PLEKHA5: variants seen among roughly 807,000 people sequenced by gnomAD.
PLEKHA5 encodes pleckstrin homology domain containing A5.
Under a neutral mutation model 181.9 loss-of-function variants are expected in PLEKHA5, and 55 were observed. The observed-to-expected ratio is 0.30, with a 90% CI of 0.24 to 0.38. The LOEUF is 0.38. Among genes scored for constraint, PLEKHA5 ranks in the 10% least tolerant of loss-of-function variants. The pLI is 1.00. For synonymous variants in PLEKHA5, 535 were observed against 529.4 expected (o/e 1.01, Z -0.15); for missense variants, 1,432 against 1,549.5 (o/e 0.92, Z 1.27).
intron 3 of PLEKHA5, among the ~76,000 whole-genome samples, chr12:19,239,004 T>C (rs1401224376): frequency 6.6e-6 from 1 of 152,180 alleles, no homozygotes; most frequent in Non-Finnish European, 1.5e-5. Context: ...TCTTCTTTGT[T>C]TGAAGTTTAG....
At chr12:19,368,487 C>A (rs2095493010) in intron 30 of PLEKHA5, among the ~76,000 whole-genome samples, 1 of 151,908 alleles carries the variant, frequency 6.6e-6, no homozygotes. Context: ...CAGAGCAAGA[C>A]CCTGTCTCAA....
At chr12:19,346,696 A>C (rs564571090) in intron 23 of PLEKHA5, among the ~76,000 whole-genome samples, 69 of 152,284 alleles carry the variant, frequency 4.5e-4, no homozygotes, top group Admixed American at 4.0e-3. Context: ...CTTTCCTTCT[A>C]GTTTTAAAAT....
chr12:19,175,302 T>C (rs1485565950), intron 3 of PLEKHA5, among the ~76,000 whole-genome samples: 1 of 152,234 alleles, frequency 6.6e-6, no homozygotes, highest in Non-Finnish European at 1.5e-5. Flanking sequence ...TGAGTTGAAC[T>C]TGCATATTGT....
intron 3 of PLEKHA5, among the ~76,000 whole-genome samples, chr12:19,213,802 GTT>G (rs1311730919): frequency 2.6e-5 from 4 of 152,140 alleles, no homozygotes; most frequent in African/African-American, 9.7e-5. Context: ...AGGGAGAACT[GTT>G]CTCTCTGGCA....
At chr12:19,191,372 A>G (rs1288034259) in intron 3 of PLEKHA5, among the ~76,000 whole-genome samples, 1 of 152,186 alleles carries the variant, frequency 6.6e-6, no homozygotes, top group Non-Finnish European at 1.5e-5. Context: ...CCTGACACAC[A>G]GCTTCCCACA....
chr12:19,225,998 T>A (rs1431043908), intron 3 of PLEKHA5, among the ~76,000 whole-genome samples: 1 of 152,210 alleles, frequency 6.6e-6, no homozygotes, highest in South Asian at 2.1e-4. Flanking sequence ...TAATGCTACG[T>A]TAGTTATTTT....
chr12:19,143,106 A>T (rs996452132), intron 3 of PLEKHA5, among the ~76,000 whole-genome samples: 1 of 152,178 alleles, frequency 6.6e-6, no homozygotes, highest in Non-Finnish European at 1.5e-5. Context: ...AGATGTTCCT[A>T]TGAGGTGGCA....
intron 31 of PLEKHA5, chr12:19,371,182 G>GT (rs1162060781): frequency 1.3e-5 from 2 of 151,730 alleles, no homozygotes; most frequent in African/African-American, 4.8e-5. Context: ...CAGGCTAATT[G>GT]TTTTGCAGAG....
chr12:19,176,420 A>C (rs2047247281), intron 3 of PLEKHA5: 1 of 151,934 alleles, frequency 6.6e-6, no homozygotes. Flanking sequence ...ACCACTCCTT[A>C]AGCAATCTGG....
intron 15 of PLEKHA5, among the ~76,000 whole-genome samples, chr12:19,295,895 T>TA (rs1270695577): frequency 9.2e-5 from 14 of 152,184 alleles, no homozygotes; most frequent in African/African-American, 3.1e-4. Context: ...AGACTAACAG[T>TA]ATCACACACC....
chr12:19,314,399 A>G (rs1043186719), intron 15 of PLEKHA5, among the ~76,000 whole-genome samples: 15 of 152,126 alleles, frequency 9.9e-5, no homozygotes, highest in Admixed American at 9.2e-4. Flanking sequence ...ATAACCTTAC[A>G]CAGAACTGAA....
At chr12:19,146,785 G>A (rs2039037321) in intron 3 of PLEKHA5, among the ~76,000 whole-genome samples, 1 of 152,132 alleles carries the variant, frequency 6.6e-6, no homozygotes, top group South Asian at 2.1e-4. Context: ...ATCTTCATAA[G>A]CCTGTGGGCA....
At chr12:19,293,358 C>G (rs2078961464) in intron 15 of PLEKHA5, among the ~76,000 whole-genome samples, 1 of 152,104 alleles carries the variant, frequency 6.6e-6, no homozygotes, top group Admixed American at 6.6e-5. Context: ...ACATTTTCAT[C>G]AGCATTTTGG....
chr12:19,171,593 A>G (rs761098809), intron 3 of PLEKHA5, among the ~76,000 whole-genome samples: 8 of 152,092 alleles, frequency 5.3e-5, no homozygotes. Flanking sequence ...TACTGACCTC[A>G]AATAATCAGC....
chr12:19,365,914 A>G (rs2095411525), intron 29 of PLEKHA5, 50 bp from the exon 30 acceptor site: 1 of 1,323,432 alleles, frequency 7.6e-7, no homozygotes, highest in African/African-American at 1.5e-5. Context: ...AAGAAAAATT[A>G]ATTGTATTCT....
intron 20 of PLEKHA5, among the ~76,000 whole-genome samples, chr12:19,327,264 T>TA (rs1555163698): frequency 1.3e-5 from 2 of 149,186 alleles, no homozygotes; most frequent in Non-Finnish European, 3.0e-5. Flanking sequence ...TTTTTTTTTT[T>TA]ACTTTTTAAT....
intron 3 of PLEKHA5, among the ~76,000 whole-genome samples, chr12:19,216,649 C>T (rs372843899): frequency 2.3e-4 from 34 of 145,428 alleles, no homozygotes; most frequent in African/African-American, 8.5e-4. Flanking sequence ...GGTGACAGAG[C>T]GAGAATCCAT....
At chr12:19,231,613 A>ATTTATATATGTACACAT (rs1345945535) in intron 3 of PLEKHA5, among the ~76,000 whole-genome samples, 2 of 32,456 alleles carry the variant, frequency 6.2e-5, no homozygotes, top group Non-Finnish European at 1.7e-4. Context: ...TATATATATA[A>ATTTATATATGTACACAT]ATACTCATAA....
intron 3 of PLEKHA5, among the ~76,000 whole-genome samples, chr12:19,200,080 T>C (rs1314168792): frequency 3.3e-5 from 5 of 152,038 alleles, no homozygotes; most frequent in Non-Finnish European, 7.4e-5. Flanking sequence ...AGGGTGACTA[T>C]AGTTAACAGC....
Sources: gnomAD v4.1 joint callset for allele counts (sites outside exome capture counted in the v4.1 genomes callset) on GRCh38, gnomAD v4.1.1 for gene constraint, MANE v1.5 for transcripts, NCBI Gene and HGNC (gene_info 2026-07-23, HGNC 2026-07-21) for gene names.